FNIP1: variants seen among roughly 807,000 people sequenced by gnomAD.
FNIP1 encodes folliculin interacting protein 1.
Under a neutral mutation model 124.5 loss-of-function variants are expected in FNIP1, and 40 were observed. That is an observed-to-expected ratio of 0.32 (90% CI 0.25 to 0.42). FNIP1 has a LOEUF of 0.42. Among genes scored for constraint, FNIP1 ranks in the 10% least tolerant of loss-of-function variants. The pLI is 1.00. For synonymous variants in FNIP1, 472 were observed against 470.6 expected (o/e 1.00, Z -0.04); for missense variants, 1,176 against 1,403.7 (o/e 0.84, Z 2.59).
At chr5:131,719,238 G>A (rs1210722094) in intron 4 of FNIP1, 79 bp downstream of exon 4, 9 of 1,299,548 alleles carry the variant, frequency 6.9e-6, no homozygotes, top group South Asian at 5.3e-5. Context: ...TCTGAGTGAA[G>A]ATCATATAAA....
chr5:131,740,179 T>C (rs1770466968), intron 2 of FNIP1, among the ~76,000 whole-genome samples: 1 of 152,254 alleles, frequency 6.6e-6, no homozygotes, highest in Non-Finnish European at 1.5e-5. Context: ...TTTTGTTAAG[T>C]GTATGCATAG....
In FNIP1 at chr5:131,672,208, C is replaced by T. The variant is rs541931885; in HGVS notation, c.2236G>A (p.Ala746Thr). 1 of 1,614,182 alleles carries T rather than the reference C, an allele frequency of 6.2e-7. No homozygotes were observed. Among genetic ancestry groups the T allele is most frequent in the East Asian group, 2.2e-5 (1 of 44,884 alleles). The change falls in exon 14 of 18, where the codon GCT becomes ACT. Residue 746 changes from alanine (A) to threonine (T), a missense_variant. By Grantham distance (58) the Ala-to-Thr change is moderately conservative. Around this residue, in one of 2 missense-constraint regions of FNIP1, gnomAD observed 1,109 missense variants for 1,288.5 expected, o/e 0.86. Coordinates refer to ENST00000510461, the MANE Select transcript of FNIP1 (RefSeq NM_133372.3). ...AGGAAAGTAACCTTTGTCTGGGCAG[C>T]CTCACAAGAAAATGAAGCAGGCACA... ...KIVPASFSCE[A>T]AQTKVTFLIG...
chr5:131,749,657 G>A (rs1770802731), intron 1 of FNIP1, among the ~76,000 whole-genome samples: 1 of 152,086 alleles, frequency 6.6e-6, no homozygotes, highest in South Asian at 2.1e-4. Context: ...CTCCCAAAGT[G>A]CTGGGATTAC....
At chr5:131,668,236 TA>T (rs768445637) in intron 15 of FNIP1, among the ~76,000 whole-genome samples, 2 of 152,204 alleles carry the variant, frequency 1.3e-5, no homozygotes, top group Non-Finnish European at 2.9e-5. Flanking sequence ...ATAATGGAAT[TA>T]AATTAGAAAC....
chr5:131,722,920 G>A (rs184193792), intron 3 of FNIP1, among the ~76,000 whole-genome samples: 6 of 152,242 alleles, frequency 3.9e-5, no homozygotes, highest in Middle Eastern at 3.4e-3. Flanking sequence ...TCTTGACCTC[G>A]TGATCCACCT....
intron 1 of FNIP1, among the ~76,000 whole-genome samples, chr5:131,785,885 T>A (rs560123025): frequency 6.6e-6 from 1 of 152,308 alleles, no homozygotes; most frequent in South Asian, 2.1e-4. Flanking sequence ...ACAAATAATG[T>A]CTATTTTTTA....
chr5:131,654,174 C>T (rs373665516), intron 15 of FNIP1, among the ~76,000 whole-genome samples: 1 of 152,188 alleles, frequency 6.6e-6, no homozygotes, highest in African/African-American at 2.4e-5. Context: ...CCTTACCTTC[C>T]CCCGGTTTAC....
At chr5:131,659,501 C>T (rs557275078) in intron 15 of FNIP1, among the ~76,000 whole-genome samples, 3 of 152,314 alleles carry the variant, frequency 2.0e-5, no homozygotes, top group Admixed American at 6.5e-5. Flanking sequence ...CACGATTTCC[C>T]GCTCGGCCAT....
At chr5:131,651,310 C>G (rs1767032125) in intron 16 of FNIP1, among the ~76,000 whole-genome samples, 1 of 152,172 alleles carries the variant, frequency 6.6e-6, no homozygotes, top group South Asian at 2.1e-4. Context: ...GGAGGATCAC[C>G]TGAGCCCAAG....
chr5:131,693,190 T>C (rs1768540287), intron 11 of FNIP1, among the ~76,000 whole-genome samples: 1 of 147,796 alleles, frequency 6.8e-6, no homozygotes, highest in African/African-American at 2.5e-5. Flanking sequence ...GATTTAGCCA[T>C]TCCACATGTG....
intron 3 of FNIP1, among the ~76,000 whole-genome samples, chr5:131,720,369 T>G (rs1769618331): frequency 6.6e-6 from 1 of 152,182 alleles, no homozygotes; most frequent in Non-Finnish European, 1.5e-5. Flanking sequence ...GGCTTACATG[T>G]ATGACCTGAA....
At chr5:131,794,229 T>TAAAAAAAA (rs60617618) in intron 1 of FNIP1, among the ~76,000 whole-genome samples, 1 of 48,450 alleles carries the variant, frequency 2.1e-5, no homozygotes, top group African/African-American at 7.3e-5. Flanking sequence ...AGACTCCATC[T>TAAAAAAAA]AAAAAAAAAA....
chr5:131,678,625 A>AC (rs764073020), intron 12 of FNIP1, among the ~76,000 whole-genome samples: 156 of 450 alleles, frequency 0.35, no homozygotes, highest in South Asian at 0.44. Context: ...GTTAGCCAGG[A>AC]TGTCTCGATC....
chr5:131,643,018 A>T lies in FNIP1; in HGVS notation c.*1667T>A, dbSNP rs1766763183. The T allele has an allele frequency of 6.6e-6, 1 of 152,388 alleles. No individual in the cohort carries two copies. The highest frequency in any genetic ancestry group is 6.5e-5 in the Admixed American group (1 of 15,290). The allele number at this position is 152,388 out of a possible 1,614,324, so 9.4% of individuals were successfully genotyped here. ...ATGCACAGAATAAGAAAATTAAGCC[A>T]AAGAAAATATATCCACAAACACTCC... is the stretch of plus-strand genomic sequence containing the variant. On this transcript the variant is annotated 3_prime_UTR_variant, in exon 18 of 18. Transcript: ENST00000510461.
chr5:131,720,905 T>G (rs926923333), intron 3 of FNIP1, among the ~76,000 whole-genome samples: 1 of 152,190 alleles, frequency 6.6e-6, no homozygotes, highest in African/African-American at 2.4e-5. Context: ...ATTGTACTTA[T>G]GGAAAACAAC....
chr5:131,775,907 A>G (rs1771787606), intron 1 of FNIP1, among the ~76,000 whole-genome samples: 1 of 152,186 alleles, frequency 6.6e-6, no homozygotes. Context: ...AGCTACAAAT[A>G]AATATTTTGC....
At chr5:131,650,569 G>C (rs1034394838) in intron 16 of FNIP1, among the ~76,000 whole-genome samples, 9 of 152,178 alleles carry the variant, frequency 5.9e-5, no homozygotes, top group African/African-American at 2.2e-4. Context: ...TGCAAACAGA[G>C]ATAATTTTAT....
At chr5:131,730,852 T>C in intron 3 of FNIP1, 52 bp downstream of exon 3, 1 of 1,489,842 alleles carries the variant, frequency 6.7e-7, no homozygotes, top group Non-Finnish European at 9.1e-7. Flanking sequence ...CTGGATGATG[T>C]TCAAAACTAA....
chr5:131,710,394 G>A (rs1249443309), intron 7 of FNIP1, among the ~76,000 whole-genome samples, 184 bp downstream of exon 7: 14 of 152,186 alleles, frequency 9.2e-5, no homozygotes, highest in South Asian at 2.1e-4. Context: ...ATAATCCGGT[G>A]TCTGGAAACT....
Sources: allele counts gnomAD v4.1 joint callset (sites outside exome capture counted in the v4.1 genomes callset), GRCh38; gene constraint gnomAD v4.1.1; regional missense constraint gnomAD v4.1.1; transcripts MANE v1.5; gene names NCBI Gene and HGNC (gene_info 2026-07-23, HGNC 2026-07-21).